SND1: variants seen among roughly 807,000 people sequenced by gnomAD.
SND1 encodes staphylococcal nuclease domain-containing protein 1.
A neutral mutation model predicts 121.7 loss-of-function variants in SND1; 38 were observed. The observed-to-expected ratio is 0.31, with a 90% CI of 0.24 to 0.41. SND1 has a LOEUF of 0.41. Ranked by LOEUF, SND1 falls within the 10% of genes least tolerant of loss-of-function variation. SND1 has a pLI of 1.00. For synonymous variants in SND1, 401 were observed against 447.4 expected, an observed-to-expected ratio of 0.90 and a Z score of 1.31; for missense variants, 868 against 1,184.6, an observed-to-expected ratio of 0.73 and a Z score of 3.92.
rs2116354189 is a variant in SND1, at chr7:127,707,519, T to C, written c.948-38T>C. ...CATGGTAGTGGTGGATTCCATTTGCTGAGTCTGAATGATCTTGCATCCTTG... is the reference window on the plus strand; with the variant it reads ...CATGGTAGTGGTGGATTCCATTTGCCGAGTCTGAATGATCTTGCATCCTTG... On this transcript the variant is annotated intron_variant, in intron 8 of 23. Coordinates refer to ENST00000354725, the MANE Select transcript of SND1 (RefSeq NM_014390.4). 1.9e-6 allele frequency: 3 copies of C among 1,566,688 alleles called. No homozygotes were observed. The East Asian group carries it at 6.7e-5, about 35-fold the overall frequency.
intron 15 of SND1, among the ~76,000 whole-genome samples, chr7:127,980,811 T>G (rs183740409): frequency 2.6e-5 from 4 of 152,306 alleles, no homozygotes; most frequent in Admixed American, 1.3e-4. Context: ...AGTGGAGACT[T>G]GCAAGATCCA....
At chr7:127,774,696 A>G (rs1251194542) in intron 10 of SND1, among the ~76,000 whole-genome samples, 1 of 151,328 alleles carries the variant, frequency 6.6e-6, no homozygotes. Flanking sequence ...CTCCTGTCTC[A>G]GCCTCTTGAG....
Position 127,656,681 on chromosome 7 carries a change from G to A in SND1, c.78+4230G>A, listed in dbSNP as rs975777616. 8.5e-5 allele frequency among the ~76,000 whole-genome samples: 13 copies of A among 152,296 alleles called. 1 individual carries two copies. The South Asian group carries it at 2.5e-3, about 29-fold the overall frequency. ...AGTTTGTTGACCTGCTCGTTCTTAC[G>A]TGTACTTCGCTCATGCAGGAATGTT... On this transcript the variant is annotated intron_variant, in intron 1 of 23. Transcript: ENST00000354725.
chr7:127,821,840 G>A (rs557118666), intron 11 of SND1, among the ~76,000 whole-genome samples: 4 of 152,180 alleles, frequency 2.6e-5, no homozygotes, highest in African/African-American at 4.8e-5. Flanking sequence ...TTTTATTGCC[G>A]AAACAGACAT....
rs1799311667 is a variant in SND1 at position 127,857,925 on chromosome 7, A to G, written c.1343+13501A>G. ...GGGGGTCCAGCTTCCGGCAGTAAACACCATCAGGAAAGTAGCCTTCGCTCA... is the reference window on the plus strand; with the variant it reads ...GGGGGTCCAGCTTCCGGCAGTAAACGCCATCAGGAAAGTAGCCTTCGCTCA... On this transcript the variant is annotated intron_variant, in intron 12 of 23. Transcript: ENST00000354725. The G allele has an allele frequency of 4.4e-6, 6 of 1,365,816 alleles. No homozygotes were observed. In the South Asian group the frequency reaches 5.8e-5, roughly 13 times the overall value. 84.6% of individuals were successfully genotyped at this position (1,365,816 alleles called of 1,614,324 possible).
At chr7:127,680,861 C>T (rs568209563) in intron 1 of SND1, among the ~76,000 whole-genome samples, 1 of 151,750 alleles carries the variant, frequency 6.6e-6, no homozygotes, top group Non-Finnish European at 1.5e-5. Context: ...TTCATGGAAT[C>T]TTCACAATTT....
chr7:127,709,270 A>G (rs1197925366), intron 9 of SND1, among the ~76,000 whole-genome samples: 29 of 152,214 alleles, frequency 1.9e-4, no homozygotes, highest in Admixed American at 1.9e-3. Context: ...CGTAGTTAGC[A>G]TAGCTGTGTT....
intron 14 of SND1, among the ~76,000 whole-genome samples, chr7:127,905,526 A>G (rs1800317037): frequency 6.6e-6 from 1 of 152,142 alleles, no homozygotes; most frequent in South Asian, 2.1e-4. Context: ...AGCTCTGAGA[A>G]TATAACAATG....
intron 15 of SND1, among the ~76,000 whole-genome samples, chr7:127,968,964 C>T (rs183370353): frequency 1.3e-5 from 2 of 152,326 alleles, no homozygotes; most frequent in African/African-American, 4.8e-5. Flanking sequence ...GTCCTCTGGG[C>T]AGCTTTTACT....
Position 128,029,761 on chromosome 7 carries a change from C to A in SND1, c.1779+38705C>A, listed in dbSNP as rs761003205. On this transcript the variant is annotated intron_variant, in intron 16 of 23. Transcript: ENST00000354725. The surrounding 1 kb of genome is among the most constrained non-coding windows in gnomAD (Gnocchi z 4.2). ...CAAGGGTTGTGGTGTAGATGCAACT[C>A]CACCAGGTACCTCAGCGGGGTAAAG... is the stretch of plus-strand genomic sequence containing the variant. The A allele has an allele frequency of 6.2e-7, 1 of 1,613,086 alleles. No individual in the cohort carries two copies. The highest frequency in any genetic ancestry group is 8.5e-7 in the Non-Finnish European group (1 of 1,179,736).
intron 14 of SND1, among the ~76,000 whole-genome samples, chr7:127,917,301 CTACT>C (rs1267812422): frequency 2.0e-5 from 3 of 152,216 alleles, no homozygotes; most frequent in African/African-American, 4.8e-5. Context: ...ATATTTCTAA[CTACT>C]TTAGAAGTAT....
intron 5 of SND1, among the ~76,000 whole-genome samples, chr7:127,701,691 G>A (rs911615047): frequency 6.6e-6 from 1 of 151,870 alleles, no homozygotes; most frequent in Non-Finnish European, 1.5e-5. Flanking sequence ...ATGCTTCATT[G>A]GAGATTGGTT....
At chr7:127,857,354 G>A (rs570802223) in intron 12 of SND1, among the ~76,000 whole-genome samples, 10 of 106,158 alleles carry the variant, frequency 9.4e-5, no homozygotes, top group East Asian at 8.1e-4. Flanking sequence ...CACCGCCCCC[G>A]GCTAATTTTT....
chr7:127,909,371 T>TGATGTCACATGTGA (rs1203729544), intron 14 of SND1, among the ~76,000 whole-genome samples: 1 of 152,200 alleles, frequency 6.6e-6, no homozygotes, highest in African/African-American at 2.4e-5. Context: ...TGGCTTGGTT[T>TGATGTCACATGTGA]CATGCTCATG....
chr7:127,665,117 A>G (rs1204962652), intron 1 of SND1, among the ~76,000 whole-genome samples: 1 of 151,562 alleles, frequency 6.6e-6, no homozygotes, highest in Non-Finnish European at 1.5e-5. Flanking sequence ...CAGGCTTCAC[A>G]TGTTTCTGTA....
chr7:127,869,975 A>T (rs1799550782), intron 12 of SND1, among the ~76,000 whole-genome samples: 1 of 152,148 alleles, frequency 6.6e-6, no homozygotes, highest in African/African-American at 2.4e-5. Flanking sequence ...CTCCTTATAT[A>T]GTTTGTTCTG....
At chr7:127,857,789 G>GGA in intron 12 of SND1, 1 of 707,812 alleles carries the variant, frequency 1.4e-6, no homozygotes, top group South Asian at 1.6e-5. Context: ...TGAGACACTT[G>GGA]GACCTCCTCC....
At chr7:127,937,710 A>G (rs952980119) in intron 15 of SND1, among the ~76,000 whole-genome samples, 2 of 152,250 alleles carry the variant, frequency 1.3e-5, no homozygotes, top group African/African-American at 2.4e-5. Flanking sequence ...TCATTGGAAT[A>G]TCAACTGCCT....
intron 9 of SND1, among the ~76,000 whole-genome samples, chr7:127,710,371 T>G (rs999993111): frequency 2.6e-5 from 4 of 151,934 alleles, no homozygotes; most frequent in Non-Finnish European, 5.9e-5. Context: ...TCAAAATGCC[T>G]TGATAAAGTG....
Sources: allele counts gnomAD v4.1 joint callset (sites outside exome capture counted in the v4.1 genomes callset), GRCh38; gene constraint gnomAD v4.1.1; non-coding constraint Gnocchi (gnomAD v3.1); transcripts MANE v1.5; gene names NCBI Gene and HGNC (gene_info 2026-07-23, HGNC 2026-07-21).